TAMM41: variants seen among roughly 807,000 people sequenced by gnomAD.
TAMM41 encodes the protein TAM41 mitochondrial translocator assembly and maintenance homolog.
Under a neutral mutation model 44.1 loss-of-function variants are expected in TAMM41, and 36 were observed. The ratio of observed to expected loss-of-function variants is 0.82; its 90% CI spans 0.63 to 1.08. The LOEUF (loss-of-function observed/expected upper bound fraction) is 1.08, where lower values mean the gene tolerates loss of function less well. Ranked by LOEUF, TAMM41 falls within the 50% of genes least tolerant of loss-of-function variation. The pLI is 0.00. For missense variants in TAMM41, 417 were observed against 404.3 expected (o/e 1.03, Z -0.27); for synonymous variants, 164 against 153.1 (o/e 1.07, Z -0.53).
chr3:11,778,623 T>C, the TAMM41 span, among the ~76,000 whole-genome samples: 5 of 152,186 alleles, frequency 3.3e-5, no homozygotes, highest in African/African-American at 4.8e-5. Flanking sequence ...CCTTTTTTTT[T>C]CTCCTTTAAT....
At chr3:11,787,439 C>T (rs114168150), downstream of TAMM41, among the ~76,000 whole-genome samples, 16 of 152,288 alleles carry the variant, frequency 1.1e-4, no homozygotes, top group Non-Finnish European at 2.1e-4. Context: ...CTCTCCACGT[C>T]ATCCCTTCTT....
the TAMM41 span, among the ~76,000 whole-genome samples, chr3:11,732,366 A>G: frequency 6.7e-6 from 1 of 150,278 alleles, no homozygotes; most frequent in Non-Finnish European, 1.5e-5. Flanking sequence ...TGTCTAGAGC[A>G]CCATCTGTTT....
chr3:11,820,011 GTGA>G (rs2078449851), intron 4 of TAMM41, among the ~76,000 whole-genome samples: 1 of 152,070 alleles, frequency 6.6e-6, no homozygotes, highest in South Asian at 2.1e-4. Flanking sequence ...GAAATTTTAG[GTGA>G]TGATTTTACT....
the TAMM41 span, among the ~76,000 whole-genome samples, chr3:11,737,448 G>C: frequency 6.6e-6 from 1 of 151,904 alleles, no homozygotes; most frequent in African/African-American, 2.4e-5. Context: ...AGCCTCCAGA[G>C]TAGCTGGGAT....
intron 7 of TAMM41, among the ~76,000 whole-genome samples, chr3:11,793,734 G>C (rs996406473): frequency 6.6e-6 from 1 of 152,184 alleles, no homozygotes; most frequent in Non-Finnish European, 1.5e-5. Flanking sequence ...AAGAGGACAT[G>C]CTTATACATG....
the TAMM41 span, among the ~76,000 whole-genome samples, chr3:11,748,166 C>A: frequency 6.6e-6 from 1 of 152,088 alleles, no homozygotes; most frequent in Non-Finnish European, 1.5e-5. Context: ...GGAGCCACCA[C>A]GCCCAGCCTC....
the TAMM41 span, among the ~76,000 whole-genome samples, chr3:11,763,200 C>T: frequency 1.9e-4 from 29 of 152,300 alleles, no homozygotes; most frequent in East Asian, 4.1e-3. Context: ...GTGCAGTGGC[C>T]TGATCATGGC....
chr3:11,736,861 G>A, the TAMM41 span, among the ~76,000 whole-genome samples: 1 of 152,080 alleles, frequency 6.6e-6, no homozygotes, highest in African/African-American at 2.4e-5. Context: ...AAGCCAAAGG[G>A]AGCTGGATAA....
rs756774083 is a variant in TAMM41, at chr3:11,817,354, G to A, written c.563-17C>T. The A allele has an allele frequency of 2.0e-5, 32 of 1,596,672 alleles. No homozygotes were observed. The highest frequency in any genetic ancestry group is 2.7e-5 in the Non-Finnish European group (32 of 1,166,132). ...GAAAGTCACCTAGTTAAAACAAAGA[G>A]ATAAACACATCTTCCATTAAGAATC... On this transcript the variant is annotated splice_polypyrimidine_tract_variant and intron_variant, in intron 4 of 7. Coordinates refer to ENST00000455809, the MANE Select transcript of TAMM41 (RefSeq NM_001284401.2).
At chr3:11,754,272 C>T in the TAMM41 span, among the ~76,000 whole-genome samples, 1 of 152,160 alleles carries the variant, frequency 6.6e-6, no homozygotes, top group East Asian at 1.9e-4. Flanking sequence ...CCAACATGAC[C>T]CACTACCCAG....
chr3:11,833,232 TA>T, intron 3 of TAMM41: 1 of 1,132,860 alleles, frequency 8.8e-7, no homozygotes, highest in Non-Finnish European at 1.1e-6. Flanking sequence ...ACTGCATAGA[TA>T]ACATTAGCAC....
intron 7 of TAMM41, among the ~76,000 whole-genome samples, chr3:11,802,414 T>C (rs1471431902): frequency 6.6e-6 from 1 of 151,998 alleles, no homozygotes; most frequent in African/African-American, 2.4e-5. Flanking sequence ...TCAGAGACTA[T>C]TATAAACAAC....
the TAMM41 span, among the ~76,000 whole-genome samples, chr3:11,736,652 A>T: frequency 6.6e-6 from 1 of 152,156 alleles, no homozygotes; most frequent in African/African-American, 2.4e-5. Flanking sequence ...CTGCTTCAGC[A>T]ATTACCACAA....
intron 5 of TAMM41, among the ~76,000 whole-genome samples, chr3:11,815,311 G>C (rs770511528): frequency 6.6e-6 from 1 of 152,184 alleles, no homozygotes; most frequent in Non-Finnish European, 1.5e-5. Flanking sequence ...CGGCTGTGCA[G>C]TGAGCTAGAA....
intron 1 of TAMM41, 121 bp downstream of exon 1, chr3:11,846,381 T>A: frequency 8.5e-7 from 1 of 1,179,906 alleles, no homozygotes; most frequent in East Asian, 2.4e-5. Context: ...TGGTTCACTC[T>A]GCTAGTGGAC....
At chr3:11,778,672 C>T in the TAMM41 span, among the ~76,000 whole-genome samples, 1 of 151,640 alleles carries the variant, frequency 6.6e-6, no homozygotes, top group South Asian at 2.1e-4. Context: ...GACTATGTGT[C>T]TTTTTTATTT....
rs76762908 is a variant in TAMM41, at chr3:11,802,703, C to T, written c.937+5130G>A. 9.3e-3 allele frequency among the ~76,000 whole-genome samples: 1,415 copies of T among 152,214 alleles called. 29 individuals carry two copies. Among genetic ancestry groups the T allele is most frequent in the African/African-American group, 0.033 (1,354 of 41,532 alleles). ...TTCTCCCTAACTCATTCTATGAGGCCGCTATCACCTTGGTACCAAACAGAC... is the reference window on the plus strand; with the variant it reads ...TTCTCCCTAACTCATTCTATGAGGCTGCTATCACCTTGGTACCAAACAGAC... On this transcript the variant is annotated intron_variant, in intron 7 of 7. Coordinates refer to ENST00000455809, the MANE Select transcript of TAMM41 (RefSeq NM_001284401.2).
At chr3:11,746,916 A>G in the TAMM41 span, among the ~76,000 whole-genome samples, 1 of 152,200 alleles carries the variant, frequency 6.6e-6, no homozygotes, top group Non-Finnish European at 1.5e-5. Flanking sequence ...GATTATAGGC[A>G]TGAGCCACTA....
chr3:11,828,628 C>T (rs943041668), intron 4 of TAMM41, among the ~76,000 whole-genome samples: 2 of 152,216 alleles, frequency 1.3e-5, no homozygotes, highest in African/African-American at 4.8e-5. Context: ...GGCCACGCCA[C>T]TCTTTGCCCC....
Sources: gnomAD v4.1 joint callset for allele counts (sites outside exome capture counted in the v4.1 genomes callset) on GRCh38, gnomAD v4.1.1 for gene constraint, MANE v1.5 for transcripts, NCBI Gene and HGNC (gene_info 2026-07-23, HGNC 2026-07-21) for gene names.